The following SPAG16 variants were observed in gnomAD, a reference collection of about 807,000 sequenced individuals.
The protein encoded by SPAG16 is sperm associated antigen 16.
SPAG16 carries 86 observed loss-of-function variants against 80.4 expected under a neutral mutation model. The ratio of observed to expected loss-of-function variants is 1.07; its 90% CI spans 0.90 to 1.28. The LOEUF (loss-of-function observed/expected upper bound fraction) is 1.28, where lower values mean the gene tolerates loss of function less well. Ranked by LOEUF, SPAG16 falls within the 50% of genes most tolerant of loss-of-function variation. The pLI is 0.00. For missense variants in SPAG16, 870 were observed against 765.3 expected (o/e 1.14, Z -1.61); for synonymous variants, 294 against 265.9 (o/e 1.11, Z -1.03).
intron 10 of SPAG16, among the ~76,000 whole-genome samples, chr2:213,577,547 T>G (rs1450744773): frequency 6.6e-6 from 1 of 152,148 alleles, no homozygotes; most frequent in Non-Finnish European, 1.5e-5. Flanking sequence ...TTCCAAAGTC[T>G]GTACTGGGGC....
At chr2:214,049,407 A>G (rs546298820) in intron 13 of SPAG16, among the ~76,000 whole-genome samples, 5 of 152,108 alleles carry the variant, frequency 3.3e-5, no homozygotes, top group Non-Finnish European at 5.9e-5. Flanking sequence ...CTGACTTGCA[A>G]TAATCTCTTG....
intron 11 of SPAG16, among the ~76,000 whole-genome samples, chr2:213,882,533 G>A (rs993376845): frequency 2.0e-5 from 3 of 151,914 alleles, no homozygotes; most frequent in African/African-American, 7.3e-5. Context: ...TTCAATCTTG[G>A]GAGATTATTT....
intron 10 of SPAG16, among the ~76,000 whole-genome samples, chr2:213,521,511 G>A (rs1043817355): frequency 1.3e-5 from 2 of 152,144 alleles, no homozygotes; most frequent in African/African-American, 4.8e-5. Flanking sequence ...GCTCCACAAT[G>A]CCAGTGGACC....
intron 15 of SPAG16, among the ~76,000 whole-genome samples, chr2:214,211,442 A>G (rs2058290697): frequency 6.6e-6 from 1 of 152,236 alleles, no homozygotes; most frequent in African/African-American, 2.4e-5. Flanking sequence ...TTCAGAATGA[A>G]GTGAAATAAT....
At chr2:213,864,412 A>G (rs544404922) in intron 11 of SPAG16, among the ~76,000 whole-genome samples, 1 of 152,174 alleles carries the variant, frequency 6.6e-6, no homozygotes, top group Admixed American at 6.5e-5. Context: ...CAAACCTAAA[A>G]TAAGTTTGAT....
chr2:214,062,105 CATCTT>C (rs1208318273), intron 13 of SPAG16, among the ~76,000 whole-genome samples: 1 of 151,564 alleles, frequency 6.6e-6, no homozygotes, highest in Non-Finnish European at 1.5e-5. Flanking sequence ...CTTTAATAGA[CATCTT>C]AAAGTTACAT....
chr2:213,398,466 C>T (rs1235978520), intron 9 of SPAG16, among the ~76,000 whole-genome samples: 2 of 152,306 alleles, frequency 1.3e-5, no homozygotes, highest in East Asian at 1.9e-4. Flanking sequence ...TGCAGGCACA[C>T]TAGCCTCCTA....
chr2:213,864,075 G>C (rs1415606256), intron 11 of SPAG16, among the ~76,000 whole-genome samples: 1 of 151,954 alleles, frequency 6.6e-6, no homozygotes, highest in Non-Finnish European at 1.5e-5. Context: ...AAGAAAAAAT[G>C]ATCATTAGAA....
intron 10 of SPAG16, among the ~76,000 whole-genome samples, chr2:213,793,312 C>T (rs2070821143): frequency 6.6e-6 from 1 of 151,960 alleles, no homozygotes. Flanking sequence ...TAAACAGTAC[C>T]CCAAACATAC....
At chr2:213,860,474 T>TATAG (rs796274148) in intron 10 of SPAG16, among the ~76,000 whole-genome samples, 1 of 72,484 alleles carries the variant, frequency 1.4e-5, no homozygotes, top group South Asian at 5.3e-4. Context: ...TATATCTATC[T>TATAG]ATATATATAT....
intron 15 of SPAG16, among the ~76,000 whole-genome samples, chr2:214,185,727 G>A (rs138549254): frequency 9.9e-5 from 15 of 152,224 alleles, no homozygotes; most frequent in Admixed American, 3.3e-4. Flanking sequence ...GTGTGCCTGC[G>A]TAGTCTGTGA....
At chr2:213,404,834 T>G (rs1411953811) in intron 9 of SPAG16, among the ~76,000 whole-genome samples, 3 of 149,578 alleles carry the variant, frequency 2.0e-5, no homozygotes, top group Admixed American at 6.6e-5. Context: ...TCATATTTGA[T>G]TCTTTAAAAT....
chr2:213,734,782 T>C (rs1292557082), intron 10 of SPAG16, among the ~76,000 whole-genome samples: 2 of 152,204 alleles, frequency 1.3e-5, no homozygotes, highest in African/African-American at 4.8e-5. Flanking sequence ...CCAGACAATA[T>C]GCTATTTATT....
intron 7 of SPAG16, among the ~76,000 whole-genome samples, chr2:213,358,221 G>T (rs1347649715): frequency 6.6e-6 from 1 of 152,064 alleles, no homozygotes; most frequent in Non-Finnish European, 1.5e-5. Flanking sequence ...TGGTGAATCT[G>T]ACGATTATGT....
intron 12 of SPAG16, among the ~76,000 whole-genome samples, chr2:213,953,009 A>G (rs979076553): frequency 1.3e-5 from 2 of 152,070 alleles, no homozygotes; most frequent in African/African-American, 4.8e-5. Flanking sequence ...ACCTTCCCAA[A>G]GAAAATGATA....
chr2:213,582,630 CTG>C (rs1259213842), intron 10 of SPAG16, among the ~76,000 whole-genome samples: 3 of 152,268 alleles, frequency 2.0e-5, no homozygotes, highest in East Asian at 1.9e-4. Flanking sequence ...AAAGGGCACT[CTG>C]TGCGTAGGAT....
At chr2:213,526,921 G>C (rs904908411) in intron 10 of SPAG16, among the ~76,000 whole-genome samples, 1 of 152,162 alleles carries the variant, frequency 6.6e-6, no homozygotes, top group Non-Finnish European at 1.5e-5. Context: ...ATCTACAGGT[G>C]TTCTCTCTAG....
chr2:213,926,552 C>A (rs1160811484), intron 11 of SPAG16, among the ~76,000 whole-genome samples: 1 of 151,846 alleles, frequency 6.6e-6, no homozygotes, highest in Non-Finnish European at 1.5e-5. Flanking sequence ...TTTGCTGTTT[C>A]TCATATGCTA....
intron 9 of SPAG16, among the ~76,000 whole-genome samples, chr2:213,451,910 G>A (rs2125578353): frequency 6.6e-6 from 1 of 152,046 alleles, no homozygotes; most frequent in South Asian, 2.1e-4. Flanking sequence ...AGCTGCAGGT[G>A]TCCCTGACTC....
Sources: allele counts gnomAD v4.1 joint callset (sites outside exome capture counted in the v4.1 genomes callset), GRCh38; gene constraint gnomAD v4.1.1; transcripts MANE v1.5; gene names NCBI Gene and HGNC (gene_info 2026-07-23, HGNC 2026-07-21).